Variants in ABCD4 observed in about 807,000 individuals in gnomAD.
ABCD4 encodes lysosomal cobalamin transporter ABCD4.
In ABCD4, 53 loss-of-function variants were observed where a neutral mutation model predicts 86.3. The ratio of observed to expected loss-of-function variants is 0.61; its 90% CI spans 0.49 to 0.77. The LOEUF (loss-of-function observed/expected upper bound fraction) is 0.77, where lower values mean the gene tolerates loss of function less well. Among genes scored for constraint, ABCD4 ranks in the 30% least tolerant of loss-of-function variants. The probability of loss-of-function intolerance (pLI) is 0.00; values close to 1 mark genes in which losing one functional copy is unlikely to be tolerated. For synonymous variants in ABCD4, 328 were observed against 313.6 expected (o/e 1.05, Z -0.49); for missense variants, 757 against 764.5 (o/e 0.99, Z 0.12).
At chr14:74,292,703 G>T in intron 9 of ABCD4, 45 bp downstream of exon 9, 1 of 1,613,898 alleles carries the variant, frequency 6.2e-7, no homozygotes, top group South Asian at 1.1e-5. Flanking sequence ...ACTGGGCCAA[G>T]GACAGAGAGG....
intron 9 of ABCD4, 45 bp downstream of exon 9, chr14:74,292,703 G>A (rs781730215): frequency 6.2e-7 from 1 of 1,613,902 alleles, no homozygotes; most frequent in Non-Finnish European, 8.5e-7. Flanking sequence ...ACTGGGCCAA[G>A]GACAGAGAGG....
At chr14:74,298,437 A>G (rs924507865) in intron 3 of ABCD4, among the ~76,000 whole-genome samples, 2 of 151,992 alleles carry the variant, frequency 1.3e-5, no homozygotes, top group African/African-American at 4.8e-5. Context: ...ACGCCCAGCT[A>G]ATTTTGTATT....
intron 14 of ABCD4, chr14:74,289,003 G>A (rs879754242): frequency 8.2e-5 from 75 of 911,988 alleles, no homozygotes; most frequent in Non-Finnish European, 1.0e-4. Context: ...CCCCAGCTAC[G>A]GAAGAGGCTG....
chr14:74,294,422 A>G (rs935491815), intron 7 of ABCD4: 1 of 152,232 alleles, frequency 6.6e-6, no homozygotes, highest in African/African-American at 2.4e-5. Context: ...GCAGATTCCC[A>G]GTATTCTTGG....
chr14:74,288,399 G>A (rs2080429115), intron 15 of ABCD4, 140 bp from the exon 16 acceptor site: 1 of 800,302 alleles, frequency 1.2e-6, no homozygotes. Flanking sequence ...CAAGGCGGGG[G>A]ACTGTGGGAC....
chr14:74,292,120 G>A (rs1021765748), intron 11 of ABCD4, among the ~76,000 whole-genome samples, 167 bp downstream of exon 11: 29 of 152,102 alleles, frequency 1.9e-4, no homozygotes, highest in Admixed American at 1.2e-3. Context: ...AACAGATGCC[G>A]GAACAGCAAC....
chr14:74,302,700 C>A (rs1272522769), intron 1 of ABCD4, among the ~76,000 whole-genome samples, 175 bp downstream of exon 1: 3 of 152,228 alleles, frequency 2.0e-5, no homozygotes, highest in Non-Finnish European at 2.9e-5. Flanking sequence ...CGGTGCGGAG[C>A]GGCCTAGAGC....
chr14:74,290,301 C>A lies in ABCD4; in HGVS notation c.1317G>T (p.Thr439=). 6.2e-7 allele frequency: 1 copy of A among 1,614,200 alleles called. No homozygotes were observed. Among genetic ancestry groups the A allele is most frequent in the South Asian group, 1.1e-5 (1 of 91,078 alleles). Residue 439 remains threonine (T), a synonymous_variant, in exon 12 of 19, where the codon ACG becomes ACT. Coordinates refer to ENST00000356924, the MANE Select transcript of ABCD4 (RefSeq NM_005050.4). The part of the protein sequence containing the change: ...SLLRVLGGLW[T]STRGSVQMLT... ...GGGCCTGGCTCTCACCCCGTGTACTCGTCCAGAGGCCACCCAGAACCCGGA... is the reference window on the plus strand; with the variant it reads ...GGGCCTGGCTCTCACCCCGTGTACTAGTCCAGAGGCCACCCAGAACCCGGA...
chr14:74,289,594 C>A, intron 13 of ABCD4, 75 bp from the exon 14 acceptor site: 5 of 1,575,782 alleles, frequency 3.2e-6, no homozygotes, highest in Non-Finnish European at 4.3e-6. Flanking sequence ...CACCCTCCCT[C>A]CAGAACCCAC....
At chr14:74,294,565 A>G (rs2082362325) in intron 7 of ABCD4, 1 of 153,382 alleles carries the variant, frequency 6.5e-6, no homozygotes. Context: ...TGCCTGCACT[A>G]TCAATCCTAA....
intron 17 of ABCD4, among the ~76,000 whole-genome samples, chr14:74,287,044 T>C (rs150037462): frequency 6.4e-4 from 97 of 152,242 alleles, no homozygotes; most frequent in African/African-American, 2.2e-3. Context: ...CTTCTATAGA[T>C]AAGCACCAGC....
intron 1 of ABCD4, 44 bp from the exon 2 acceptor site, chr14:74,300,312 T>C: frequency 7.5e-7 from 1 of 1,326,576 alleles, no homozygotes; most frequent in Non-Finnish European, 1.1e-6. Flanking sequence ...AAGACAATAA[T>C]TAAGCCTTAG....
intron 7 of ABCD4, 125 bp downstream of exon 7, chr14:74,295,023 T>G: frequency 8.5e-6 from 10 of 1,181,492 alleles, no homozygotes; most frequent in East Asian, 2.4e-5. Flanking sequence ...AGGGAGAGGG[T>G]CACAGCCAAG....
At chr14:74,292,427 G>A (rs115943863) in intron 10 of ABCD4, 51 bp from the exon 11 acceptor site, 3 of 1,604,234 alleles carry the variant, frequency 1.9e-6, no homozygotes, top group Non-Finnish European at 2.6e-6. Flanking sequence ...AGGTGAAGGT[G>A]AACTCCTTTT....
At position 74,288,084 on chromosome 14, in the gene ABCD4, C is replaced by T. The variant is rs1056156127; in HGVS notation, c.1559+123G>A. On this transcript the variant is annotated intron_variant, in intron 16 of 18. Coordinates refer to ENST00000356924, the MANE Select transcript of ABCD4 (RefSeq NM_005050.4). ...TGTTCCCAAGGGCATAAACTTGCAC[C>T]CGACTGACCAGCCAAACATCTGGAC... is the stretch of plus-strand genomic sequence containing the variant. 11 of 1,220,122 alleles carry T rather than the reference C, an allele frequency of 9.0e-6. 1 individual carries two copies. The South Asian group carries it at 1.6e-4, about 18-fold the overall frequency. The allele number at this position is 1,220,122 out of a possible 1,614,324, so 75.6% of individuals were successfully genotyped here. A position where few individuals can be genotyped will look rare whatever the true frequency, so the allele number is the denominator to read the frequency against.
In ABCD4 at chr14:74,290,059, G is replaced by C. The variant is rs900948033; in HGVS notation, c.1387C>G (p.Pro463Ala). ...CGAAGGGTCCCGTCAGTGAAGAATG[G>C]CTTTTGTGGCAGGAATAGCACCCCA... is the stretch of plus-strand genomic sequence containing the variant. Reference protein sequence around the residue: ...PHGVLFLPQKPFFTDGTLREQ... With the variant: ...PHGVLFLPQKAFFTDGTLREQ... Residue 463 changes from proline (P) to alanine (A), a missense_variant, in exon 13 of 19, where the codon CCA (proline) becomes GCA (alanine). Coordinates refer to ENST00000356924, the MANE Select transcript of ABCD4 (RefSeq NM_005050.4). 1 of 1,614,020 alleles carries C rather than the reference G, an allele frequency of 6.2e-7. No individual in the cohort carries two copies. The highest frequency in any genetic ancestry group is 8.5e-7 in the Non-Finnish European group (1 of 1,180,034).
Position 74,288,577 on chromosome 14 carries a change from T to C in ABCD4, c.1506+139A>G, listed in dbSNP as rs577801490. 3.1e-6 allele frequency: 3 copies of C among 979,040 alleles called. No homozygotes were observed. The South Asian group carries it at 4.3e-5, about 14-fold the overall frequency. 60.6% of individuals were successfully genotyped at this position (979,040 alleles called of 1,614,324 possible). A position where few individuals can be genotyped will look rare whatever the true frequency, so the allele number is the denominator to read the frequency against. On this transcript the variant is annotated intron_variant, in intron 15 of 18. Coordinates refer to ENST00000356924, the MANE Select transcript of ABCD4 (RefSeq NM_005050.4). ...CCTAAACCTGGCCAACAGCACACAC[T>C]GTCAACTGATACTCCCATTCTCCAC...
rs574817590 is a variant in ABCD4, at chr14:74,300,250, T to C, written c.57A>G (p.Gln19=). ...GAGARPRLDL[Q]FLQRFLQILK... The stretch of plus-strand genomic sequence containing the variant: ...GTATCTGCAGGAACCGCTGGAGAAA[T>C]TGCAGATCTAACCTGGGCCTGAAGA... The change falls in exon 2 of 19, where the codon CAA becomes CAG. Residue 19 remains glutamine (Q), a synonymous_variant. Coordinates refer to ENST00000356924, the MANE Select transcript of ABCD4 (RefSeq NM_005050.4). 1.1e-4 allele frequency: 175 copies of C among 1,613,018 alleles called. No individual in the cohort carries two copies. In the South Asian group the frequency reaches 1.5e-3, roughly 14 times the overall value.
rs751968729 is a variant in ABCD4 at position 74,288,191 on chromosome 14, C to T, written c.1559+16G>A. The T allele has an allele frequency of 4.3e-6, 7 of 1,611,952 alleles. No individual in the cohort carries two copies. The Admixed American group carries it at 1.0e-4, about 23-fold the overall frequency. Reference sequence around the variant, plus strand: ...ATGGTGGGGCTATCTCTGGAGCACCCAAGCTCTTTTCTTACCAGTTCCAGT... The same window carrying T: ...ATGGTGGGGCTATCTCTGGAGCACCTAAGCTCTTTTCTTACCAGTTCCAGT... On this transcript the variant is annotated intron_variant, in intron 16 of 18. Transcript: ENST00000356924.
Sources: gnomAD v4.1 joint callset for allele counts (sites outside exome capture counted in the v4.1 genomes callset) on GRCh38, gnomAD v4.1.1 for gene constraint, MANE v1.5 for transcripts, NCBI Gene and HGNC (gene_info 2026-07-23, HGNC 2026-07-21) for gene names.